LOXHD1: variants seen among roughly 807,000 people sequenced by gnomAD.
LOXHD1 encodes the protein lipoxygenase homology PLAT domains 1, also known as lipoxygenase homology domain-containing protein 1.
A neutral mutation model predicts 248.2 loss-of-function variants in LOXHD1; 205 were observed. The observed-to-expected ratio is 0.83, with a 90% CI of 0.74 to 0.93. LOXHD1 has a LOEUF of 0.93. Ranked by LOEUF, LOXHD1 falls within the 40% of genes least tolerant of loss-of-function variation. The pLI is 0.00. For synonymous variants in LOXHD1, 1,113 were observed against 1,162.8 expected, an observed-to-expected ratio of 0.96 and a Z score of 0.87; for missense variants, 2,930 against 2,971.6, an observed-to-expected ratio of 0.99 and a Z score of 0.33.
At chr18:46,627,806 C>T (rs911642957) in intron 4 of LOXHD1, among the ~76,000 whole-genome samples, 3 of 152,190 alleles carry the variant, frequency 2.0e-5, no homozygotes, top group African/African-American at 7.2e-5. Context: ...TGAGCATCAC[C>T]TCCTCTATAA....
intron 4 of LOXHD1, among the ~76,000 whole-genome samples, chr18:46,637,872 T>G (rs939259041): frequency 1.3e-5 from 2 of 152,200 alleles, no homozygotes; most frequent in Non-Finnish European, 2.9e-5. Context: ...AGCATGTACA[T>G]TCCACTTGAC....
intron 37 of LOXHD1, among the ~76,000 whole-genome samples, chr18:46,494,849 CT>C (rs58016824): frequency 5.6e-3 from 544 of 96,510 alleles, no homozygotes; most frequent in African/African-American, 0.017. Context: ...TTCTCTCTCT[CT>C]TTTTTTTTTT....
intron 4 of LOXHD1, among the ~76,000 whole-genome samples, chr18:46,624,897 T>A (rs1448138280): frequency 1.3e-5 from 2 of 152,140 alleles, no homozygotes; most frequent in African/African-American, 4.8e-5. Flanking sequence ...CACCTTGCTC[T>A]CCTTGCAGAC....
intron 12 of LOXHD1, among the ~76,000 whole-genome samples, chr18:46,580,812 T>C (rs2037947251): frequency 6.6e-6 from 1 of 152,134 alleles, no homozygotes; most frequent in Non-Finnish European, 1.5e-5. Context: ...AGGTAATGTG[T>C]GAGCTATAAA....
intron 30 of LOXHD1, 22 bp downstream of exon 30, chr18:46,524,686 C>T (rs1346796804): frequency 6.4e-7 from 1 of 1,551,530 alleles, no homozygotes; most frequent in Admixed American, 2.0e-5. Context: ...TGGCCACAGG[C>T]CCTATATACC....
At chr18:46,591,045 TA>T (rs2038158874) in intron 12 of LOXHD1, among the ~76,000 whole-genome samples, 1 of 152,252 alleles carries the variant, frequency 6.6e-6, no homozygotes, top group Non-Finnish European at 1.5e-5. Flanking sequence ...TCAACAAATA[TA>T]TACAGAACTT....
intron 29 of LOXHD1, among the ~76,000 whole-genome samples, chr18:46,526,377 G>T (rs1190482721): frequency 6.6e-6 from 1 of 152,214 alleles, no homozygotes; most frequent in East Asian, 1.9e-4. Context: ...GGCAGAGAGA[G>T]ATTTCCAAGG....
chr18:46,590,106 G>A (rs546726944), intron 12 of LOXHD1, among the ~76,000 whole-genome samples: 7 of 152,224 alleles, frequency 4.6e-5, no homozygotes, highest in African/African-American at 1.7e-4. Flanking sequence ...AGTGGCAAAT[G>A]CATTAACACA....
intron 4 of LOXHD1, among the ~76,000 whole-genome samples, chr18:46,623,161 A>G (rs577456018): frequency 6.6e-6 from 1 of 152,330 alleles, no homozygotes; most frequent in Non-Finnish European, 1.5e-5. Context: ...CAAATTAGGC[A>G]AAAAGAATCC....
In LOXHD1 at chr18:46,483,626, A is replaced by C; in HGVS notation, c.6302T>G (p.Val2101Gly). 1.9e-6 allele frequency: 3 copies of C among 1,551,610 alleles called. No individual in the cohort carries two copies. The highest frequency in any genetic ancestry group is 2.6e-6 in the Non-Finnish European group (3 of 1,146,982). ...FIPKRELAWH[V>G]KTITITEMEY... ...CATCTCGGTGATGGTGATGGTCTTG[A>C]CATGCCAGGCAAGTTCTCTCTTGGG... Residue 2101 changes from valine to glycine, a missense_variant, in exon 40 of 41, where the codon GTC becomes GGC. By Grantham distance (109) the Val-to-Gly change is moderately radical. Transcript: ENST00000642948.
At chr18:46,637,071 G>T (rs968702131) in intron 4 of LOXHD1, among the ~76,000 whole-genome samples, 1 of 152,306 alleles carries the variant, frequency 6.6e-6, no homozygotes, top group South Asian at 2.1e-4. Context: ...ACTTGAACCC[G>T]GGAGGTGGAG....
Position 46,509,761 on chromosome 18 carries a change from T to C in LOXHD1, c.5454A>G (p.Pro1818=), listed in dbSNP as rs763569894. The C allele has an allele frequency of 2.8e-5, 43 of 1,550,440 alleles. No homozygotes were observed. The highest frequency in any genetic ancestry group is 3.7e-5 in the Non-Finnish European group (42 of 1,146,706). The change falls in exon 35 of 41, where the codon CCA becomes CCG. Residue 1818 remains proline, a synonymous_variant. Transcript: ENST00000642948. The stretch of plus-strand genomic sequence containing the variant: ...CAATCCGGATCCGCATCTTGGTGAA[T>C]GGAGCAATGTCTAGGATCTCCATGA... ...TFIMEILDIA[P]FTKMRIRIDG...
Position 46,557,505 on chromosome 18 carries a change from G to T in LOXHD1, c.3217-16C>A, listed in dbSNP as rs372737564. On this transcript the variant is annotated splice_polypyrimidine_tract_variant and intron_variant, in intron 20 of 40. Coordinates refer to ENST00000642948, the MANE Select transcript of LOXHD1 (RefSeq NM_001384474.1). ...AGGTGTCTGTCTGGGAAGGGCCAGGGAACACTCAGTGGGGTAAGACCTACC... is the reference window on the plus strand; with the variant it reads ...AGGTGTCTGTCTGGGAAGGGCCAGGTAACACTCAGTGGGGTAAGACCTACC... 5 of 1,551,768 alleles carry T rather than the reference G, an allele frequency of 3.2e-6. No individual in the cohort carries two copies. The highest frequency in any genetic ancestry group is 3.5e-6 in the Non-Finnish European group (4 of 1,147,016).
chr18:46,542,051 T>C, intron 24 of LOXHD1, 111 bp from the exon 25 acceptor site: 1 of 934,110 alleles, frequency 1.1e-6, no homozygotes, highest in Non-Finnish European at 1.6e-6. Flanking sequence ...CTGATATCAT[T>C]AACATGACAT....
In LOXHD1 at chr18:46,559,523, G is replaced by A. The variant is rs201246229; in HGVS notation, c.3141C>T (p.Tyr1047=). The A allele has an allele frequency of 4.6e-5, 72 of 1,552,056 alleles. No homozygotes were observed. Among genetic ancestry groups the A allele is most frequent in the Middle Eastern group, 1.7e-4 (1 of 5,992 alleles). Residue 1047 remains tyrosine (Y), a synonymous_variant, in exon 20 of 41, where the codon TAC becomes TAT. Transcript: ENST00000642948. ...GTDANVYLTI[Y]GEEYGDTGER... is the part of the protein sequence containing the mutation. ...CGCCCGTGTCTCCATACTCCTCGCC[G>A]TAGATGGTTAGGTAGACGTTAGCAT...
rs572812195 is a variant in LOXHD1, at chr18:46,511,752, G to T, written c.5400-1937C>A. Among the ~76,000 whole-genome samples the T allele has an allele frequency of 8.5e-5, 13 of 152,306 alleles. No individual in the cohort carries two copies. In the South Asian group the frequency reaches 2.7e-3, roughly 32 times the overall value. ...GTGGGGTCTAAAGCCCACCACGCTG[G>T]GCAGCTGCTCAGGCAGTTTGTCTTT... is the stretch of plus-strand genomic sequence containing the variant. On this transcript the variant is annotated intron_variant, in intron 34 of 40. Coordinates refer to ENST00000642948, the MANE Select transcript of LOXHD1 (RefSeq NM_001384474.1).
At chr18:46,511,379 T>G (rs1210530271) in intron 34 of LOXHD1, among the ~76,000 whole-genome samples, 2 of 152,180 alleles carry the variant, frequency 1.3e-5, no homozygotes, top group Non-Finnish European at 2.9e-5. Flanking sequence ...GACAGGGCTG[T>G]TGTGTGGCCC....
At chr18:46,618,074 C>T (rs907421542) in intron 5 of LOXHD1, 118 bp downstream of exon 5, 3 of 673,450 alleles carry the variant, frequency 4.5e-6, no homozygotes, top group East Asian at 2.7e-5. Flanking sequence ...AAGTGAGATG[C>T]TCAATAGAGG....
intron 40 of LOXHD1, among the ~76,000 whole-genome samples, chr18:46,479,788 A>C (rs79514937): frequency 0.081 from 12,208 of 151,392 alleles, 667 homozygotes; most frequent in Non-Finnish European, 0.11. Context: ...AAAAAAAAAA[A>C]CACCTTTGGT....
Sources: allele counts gnomAD v4.1 joint callset (sites outside exome capture counted in the v4.1 genomes callset), GRCh38; gene constraint gnomAD v4.1.1; transcripts MANE v1.5; gene names NCBI Gene and HGNC (gene_info 2026-07-23, HGNC 2026-07-21).